Variants in HNRNPLL observed in about 807,000 individuals in gnomAD.
HNRNPLL encodes the protein heterogeneous nuclear ribonucleoprotein L like, also known as heterogeneous nuclear ribonucleoprotein L-like.
Under a neutral mutation model 67.1 loss-of-function variants are expected in HNRNPLL, and 25 were observed. The observed-to-expected ratio is 0.37, with a 90% CI of 0.27 to 0.52. The LOEUF (loss-of-function observed/expected upper bound fraction) is 0.52. HNRNPLL is among the 20% of genes least tolerant of loss of function. The probability of loss-of-function intolerance (pLI) is 0.90; values close to 1 mark genes in which losing one functional copy is unlikely to be tolerated. For synonymous variants in HNRNPLL, 267 were observed against 241.7 expected (o/e 1.10, Z -0.97); for missense variants, 542 against 673.9 (o/e 0.80, Z 2.17).
chr2:38,573,914 T>G (rs779184813), intron 7 of HNRNPLL, among the ~76,000 whole-genome samples: 2 of 151,986 alleles, frequency 1.3e-5, no homozygotes, highest in Admixed American at 6.6e-5. Context: ...TATATTTTAC[T>G]ATGTACTTTC....
At chr2:38,595,325 T>C (rs897489905) in intron 1 of HNRNPLL, among the ~76,000 whole-genome samples, 2 of 144,582 alleles carry the variant, frequency 1.4e-5, no homozygotes, top group Non-Finnish European at 3.1e-5. Context: ...AAACAATAAA[T>C]TGATCACATC....
chr2:38,582,407 T>G (rs1666565455), intron 4 of HNRNPLL, among the ~76,000 whole-genome samples: 1 of 152,000 alleles, frequency 6.6e-6, no homozygotes, highest in Non-Finnish European at 1.5e-5. Flanking sequence ...ACCTCCCGGG[T>G]TCAAGCAATT....
chr2:38,568,069 G>T, intron 12 of HNRNPLL, 130 bp downstream of exon 12: 1 of 606,536 alleles, frequency 1.6e-6, no homozygotes, highest in Non-Finnish European at 2.9e-6. Flanking sequence ...GAATTAATAT[G>T]CCTTTCTTTT....
At chr2:38,596,489 C>G (rs1667198302) in intron 1 of HNRNPLL, among the ~76,000 whole-genome samples, 1 of 152,016 alleles carries the variant, frequency 6.6e-6, no homozygotes, top group South Asian at 2.1e-4. Flanking sequence ...AATTCTTGGC[C>G]TCAAGTGATC....
chr2:38,576,189 C>T (rs1366891315), intron 7 of HNRNPLL, among the ~76,000 whole-genome samples: 16 of 151,776 alleles, frequency 1.1e-4, no homozygotes. Flanking sequence ...TTCATTTATT[C>T]TTTCACAGAT....
At chr2:38,588,640 T>C (rs908380725) in intron 2 of HNRNPLL, among the ~76,000 whole-genome samples, 7 of 148,788 alleles carry the variant, frequency 4.7e-5, no homozygotes, top group Non-Finnish European at 8.9e-5. Flanking sequence ...AAAGAAAAAA[T>C]TAAAATGTTT....
intron 1 of HNRNPLL, 60 bp downstream of exon 1, chr2:38,602,378 G>A (rs772371940): frequency 3.1e-4 from 468 of 1,495,764 alleles, no homozygotes; most frequent in Non-Finnish European, 4.0e-4. Context: ...GCCCCGCACC[G>A]AGGCCCTGCT....
chr2:38,587,804 G>C (rs1382971444), intron 2 of HNRNPLL, among the ~76,000 whole-genome samples: 1 of 152,164 alleles, frequency 6.6e-6, no homozygotes, highest in Non-Finnish European at 1.5e-5. Context: ...ATTGAATTGT[G>C]ATCGCCGATG....
At chr2:38,584,186 G>T (rs977916475) in intron 3 of HNRNPLL, among the ~76,000 whole-genome samples, 1 of 152,048 alleles carries the variant, frequency 6.6e-6, no homozygotes, top group African/African-American at 2.4e-5. Flanking sequence ...TCAGCCTCCC[G>T]AGTAGCTGAG....
intron 8 of HNRNPLL, among the ~76,000 whole-genome samples, chr2:38,572,644 T>G (rs1666137539): frequency 6.6e-6 from 1 of 152,116 alleles, no homozygotes; most frequent in South Asian, 2.1e-4. Flanking sequence ...TTACAATTAT[T>G]AAAGACCTTC....
At position 38,563,745 on chromosome 2, in the gene HNRNPLL, T is replaced by C. The variant is rs1012202399; in HGVS notation, c.*437A>G. The stretch of plus-strand genomic sequence containing the variant: ...TTCATTAAAATAATAAATATACAAG[T>C]TATGTTTAATATGAGTAACTGCAAC... On this transcript the variant is annotated 3_prime_UTR_variant, in exon 13 of 13. Coordinates refer to ENST00000449105, the MANE Select transcript of HNRNPLL (RefSeq NM_138394.4). 1 of 154,658 alleles carries C rather than the reference T, an allele frequency of 6.5e-6. No individual in the cohort carries two copies. Among genetic ancestry groups the C allele is most frequent in the Non-Finnish European group, 1.4e-5 (1 of 69,822 alleles). 9.6% of individuals were successfully genotyped at this position (154,658 alleles called of 1,614,324 possible).
At position 38,602,439 on chromosome 2, in the gene HNRNPLL, G is replaced by A. The variant is rs1376426310; in HGVS notation, c.188C>T (p.Pro63Leu). The A allele has an allele frequency of 1.3e-6, 2 of 1,540,330 alleles. No homozygotes were observed. The highest frequency in any genetic ancestry group is 1.7e-6 in the Non-Finnish European group (2 of 1,149,926). ...GACAGGGGGGCCGCGCTTTGTTACC[G>A]GCTGAGAGAAGCTCCGGCCGCCGCC... ...GGGGGRSFSQPEAGGSHHKVS... is the reference protein window; with the variant it reads ...GGGGGRSFSQLEAGGSHHKVS... The change falls in exon 1 of 13, where the codon CCG becomes CTG. Residue 63 changes from proline (P) to leucine (L), a missense_variant and splice_region_variant. Pro to Leu is a moderately conservative substitution (Grantham distance 98). Coordinates refer to ENST00000449105, the MANE Select transcript of HNRNPLL (RefSeq NM_138394.4).
chr2:38,569,831 T>C lies in HNRNPLL; in HGVS notation c.1187A>G (p.Lys396Arg). ...ERAVTHLNNVKLFGKRLNVCV... is the reference protein window; with the variant it reads ...ERAVTHLNNVRLFGKRLNVCV... ...AACATTAAGTCTTTTCCCAAATAATTTGACATTATTAAGGTGTGTGACAGC... is the reference window on the plus strand; with the variant it reads ...AACATTAAGTCTTTTCCCAAATAATCTGACATTATTAAGGTGTGTGACAGC... Residue 396 changes from lysine to arginine, a missense_variant, in exon 9 of 13, where the codon AAA becomes AGA. Coordinates refer to ENST00000449105, the MANE Select transcript of HNRNPLL (RefSeq NM_138394.4). 6.9e-7 allele frequency: 1 copy of C among 1,459,834 alleles called. No homozygotes were observed. 90.4% of individuals were successfully genotyped at this position (1,459,834 alleles called of 1,614,324 possible).
At chr2:38,586,171 G>A (rs1028895673) in intron 2 of HNRNPLL, among the ~76,000 whole-genome samples, 11 of 152,018 alleles carry the variant, frequency 7.2e-5, no homozygotes, top group East Asian at 3.9e-4. Flanking sequence ...ACAGGTGCCC[G>A]CCACCAGGCC....
rs1258586699 is a variant in HNRNPLL at position 38,582,162 on chromosome 2, T to C, written c.639A>G (p.Glu213=). Residue 213 remains glutamate, a synonymous_variant, in exon 5 of 13, where the codon GAA becomes GAG. Coordinates refer to ENST00000449105, the MANE Select transcript of HNRNPLL (RefSeq NM_138394.4). ...TAGCTTTCTGGGCACAAAGGACTGATTCAAACATAAGCTCTATTAAGGAAA... is the reference window on the plus strand; with the variant it reads ...TAGCTTTCTGGGCACAAAGGACTGACTCAAACATAAGCTCTATTAAGGAAA... ...RNGIQAMVEF[E]SVLCAQKAKA... is the part of the protein sequence containing the mutation. 1.2e-6 allele frequency: 2 copies of C among 1,612,452 alleles called. No individual in the cohort carries two copies. The highest frequency in any genetic ancestry group is 1.3e-5 in the African/African-American group (1 of 74,902).
At chr2:38,595,345 T>C (rs1012974769) in intron 1 of HNRNPLL, among the ~76,000 whole-genome samples, 1 of 149,120 alleles carries the variant, frequency 6.7e-6, no homozygotes, top group Non-Finnish European at 1.5e-5. Flanking sequence ...CTCTTCTTAC[T>C]ACCCCCTTCC....
intron 2 of HNRNPLL, among the ~76,000 whole-genome samples, chr2:38,587,183 G>A (rs1257472795): frequency 6.6e-6 from 1 of 152,160 alleles, no homozygotes; most frequent in Non-Finnish European, 1.5e-5. Context: ...AAATGGTACA[G>A]TATTAATAAG....
At position 38,585,987 on chromosome 2, in the gene HNRNPLL, CA is replaced by C. The variant is rs1444446690; in HGVS notation, c.309-107del. On this transcript the variant is annotated intron_variant, in intron 2 of 12. Transcript: ENST00000449105. ...ACTTTAATAAAAATGTGTCAAATCC[CA>C]CAGTATTCTTCACTACCTGTGTCCA... 3 of 771,132 alleles carry C rather than the reference CA, an allele frequency of 3.9e-6. No homozygotes were observed. The African/African-American group carries it at 5.1e-5, about 13-fold the overall frequency. 47.8% of individuals were successfully genotyped at this position (771,132 alleles called of 1,614,324 possible). A position where few individuals can be genotyped will look rare whatever the true frequency, so the allele number is the denominator to read the frequency against.
intron 1 of HNRNPLL, among the ~76,000 whole-genome samples, chr2:38,592,118 GTTTGT>G (rs771837521): frequency 3.3e-5 from 5 of 152,166 alleles, no homozygotes; most frequent in Admixed American, 3.3e-4. Flanking sequence ...TAAAATAAAT[GTTTGT>G]TTTAAAATTT....
Sources: gnomAD v4.1 joint callset for allele counts (sites outside exome capture counted in the v4.1 genomes callset) on GRCh38, gnomAD v4.1.1 for gene constraint, MANE v1.5 for transcripts, NCBI Gene and HGNC (gene_info 2026-07-23, HGNC 2026-07-21) for gene names.